ZNF385B: variants seen among roughly 807,000 people sequenced by gnomAD.
ZNF385B encodes zinc finger protein 385B, also known as zinc finger protein 533.
Under a neutral mutation model 39.2 loss-of-function variants are expected in ZNF385B, and 23 were observed. The ratio of observed to expected loss-of-function variants is 0.59; its 90% CI spans 0.42 to 0.83. The LOEUF (loss-of-function observed/expected upper bound fraction) is 0.83, where lower values mean the gene tolerates loss of function less well. Among genes scored for constraint, ZNF385B ranks in the 40% least tolerant of loss-of-function variants. The probability of loss-of-function intolerance (pLI) is 0.00; values close to 1 mark genes in which losing one functional copy is unlikely to be tolerated. For missense variants in ZNF385B, 552 were observed against 598.9 expected, an observed-to-expected ratio of 0.92 and a Z score of 0.82; for synonymous variants, 205 against 222.6, an observed-to-expected ratio of 0.92 and a Z score of 0.70.
At chr2:179,572,696 G>A (rs1386384675) in intron 3 of ZNF385B, among the ~76,000 whole-genome samples, 1 of 152,106 alleles carries the variant, frequency 6.6e-6, no homozygotes, top group East Asian at 1.9e-4. Context: ...TCAGTTTGGA[G>A]GGAAATGTCA....
chr2:179,646,964 C>T (rs915085548), intron 3 of ZNF385B, among the ~76,000 whole-genome samples: 1 of 152,168 alleles, frequency 6.6e-6, no homozygotes. Context: ...ACAAACATTA[C>T]TTTTTGTTAT....
At position 179,728,224 on chromosome 2, in the gene ZNF385B, T is replaced by TA. The variant is rs566802476; in HGVS notation, c.298+41278dup. ...TTAGAACAGCTAATTCTGGAGAAAA[T>TA]AAAAAACATTACCCATTTTCTTCTC... is the stretch of plus-strand genomic sequence containing the variant. On this transcript the variant is annotated intron_variant, in intron 3 of 9. Coordinates refer to ENST00000410066, the MANE Select transcript of ZNF385B (RefSeq NM_152520.6). Among the ~76,000 whole-genome samples the TA allele has an allele frequency of 4.3e-4, 66 of 152,232 alleles. 1 individual carries two copies. In the South Asian group the frequency reaches 0.013, roughly 31 times the overall value.
chr2:179,511,197 C>T (rs570907219), intron 5 of ZNF385B, among the ~76,000 whole-genome samples: 1 of 152,166 alleles, frequency 6.6e-6, no homozygotes, highest in African/African-American at 2.4e-5. Context: ...CAGCCAATAG[C>T]GTGTGGAAAG....
At chr2:179,663,781 G>C (rs898420856) in intron 3 of ZNF385B, among the ~76,000 whole-genome samples, 1 of 145,380 alleles carries the variant, frequency 6.9e-6, no homozygotes, top group Non-Finnish European at 1.5e-5. Context: ...AGCAGGAACA[G>C]AAGAAACTAA....
At chr2:179,558,208 A>C (rs2061083678) in intron 3 of ZNF385B, among the ~76,000 whole-genome samples, 1 of 152,182 alleles carries the variant, frequency 6.6e-6, no homozygotes, top group Non-Finnish European at 1.5e-5. Context: ...TCTCCTCTGC[A>C]GTTCACACTA....
In ZNF385B at chr2:179,544,773, T is replaced by A. The variant is rs568416442; in HGVS notation, c.441+54A>T. 4.2e-5 allele frequency: 68 copies of A among 1,606,242 alleles called. No homozygotes were observed. In the South Asian group the frequency reaches 4.5e-4, roughly 11 times the overall value. ...GCTGTATCTATTGACTATTCACAAA[T>A]GTAATGAAATTGATGGAGGAGGACA... On this transcript the variant is annotated intron_variant, in intron 4 of 9. Coordinates refer to ENST00000410066, the MANE Select transcript of ZNF385B (RefSeq NM_152520.6).
At chr2:179,814,045 C>A (rs1224115566) in intron 1 of ZNF385B, among the ~76,000 whole-genome samples, 1 of 152,196 alleles carries the variant, frequency 6.6e-6, no homozygotes, top group African/African-American at 2.4e-5. Context: ...TAGTTATTTA[C>A]AAACCTGTTT....
chr2:179,498,303 A>T (rs1353168586), intron 5 of ZNF385B, among the ~76,000 whole-genome samples: 1 of 151,718 alleles, frequency 6.6e-6, no homozygotes. Flanking sequence ...GACCACAAAA[A>T]AACTACATAT....
intron 1 of ZNF385B, among the ~76,000 whole-genome samples, chr2:179,846,800 A>C (rs1708823017): frequency 6.6e-6 from 1 of 152,220 alleles, no homozygotes; most frequent in Non-Finnish European, 1.5e-5. Context: ...ACATGCTTCC[A>C]AGTGATCCTG....
At position 179,861,344 on chromosome 2, in the gene ZNF385B, C is replaced by T. The variant is rs1685050513; in HGVS notation, c.-398G>A. 1 of 150,822 alleles carries T rather than the reference C, an allele frequency of 6.6e-6. No individual in the cohort carries two copies. Among genetic ancestry groups the T allele is most frequent in the Non-Finnish European group, 1.5e-5 (1 of 67,540 alleles). 9.3% of individuals were successfully genotyped at this position (150,822 alleles called of 1,614,324 possible). A position where few individuals can be genotyped will look rare whatever the true frequency, so the allele number is the denominator to read the frequency against. On this transcript the variant is annotated 5_prime_UTR_variant, in exon 1 of 10. Coordinates refer to ENST00000410066, the MANE Select transcript of ZNF385B (RefSeq NM_152520.6). ...CTGTCCAACTCTTGCCCGCGCCGGG[C>T]TTAAGCGCCCGGCCGCTGCCCCCGC...
intron 3 of ZNF385B, among the ~76,000 whole-genome samples, chr2:179,740,930 A>C (rs937031746): frequency 1.3e-5 from 2 of 152,192 alleles, no homozygotes; most frequent in African/African-American, 4.8e-5. Flanking sequence ...GACAAGAAAA[A>C]AAGGGAAGAA....
chr2:179,495,986 C>G (rs2105698058), intron 5 of ZNF385B, among the ~76,000 whole-genome samples: 1 of 152,236 alleles, frequency 6.6e-6, no homozygotes, highest in Non-Finnish European at 1.5e-5. Context: ...CATGACTTCA[C>G]CAAATGAACT....
intron 1 of ZNF385B, among the ~76,000 whole-genome samples, chr2:179,783,315 A>G (rs2106526862): frequency 6.6e-6 from 1 of 151,780 alleles, no homozygotes; most frequent in South Asian, 2.1e-4. Context: ...TCCTTATACC[A>G]TCAACAAAAA....
chr2:179,769,903 G>A (rs890170859), intron 2 of ZNF385B, 101 bp from the exon 3 acceptor site: 2 of 1,184,588 alleles, frequency 1.7e-6, no homozygotes, highest in Non-Finnish European at 2.3e-6. Context: ...GCTAAAAGTT[G>A]CCCAGCTACC....
intron 5 of ZNF385B, among the ~76,000 whole-genome samples, chr2:179,488,024 T>C (rs1192230706): frequency 6.6e-6 from 1 of 152,216 alleles, no homozygotes; most frequent in African/African-American, 2.4e-5. Flanking sequence ...TAGAACCCCA[T>C]TGTTGCAAAC....
chr2:179,447,388 A>T (rs957927384), intron 6 of ZNF385B, among the ~76,000 whole-genome samples: 1 of 152,208 alleles, frequency 6.6e-6, no homozygotes, highest in Non-Finnish European at 1.5e-5. Context: ...CTAAATCAAA[A>T]GTTTTAAATA....
At chr2:179,718,008 T>C (rs1700441265) in intron 3 of ZNF385B, among the ~76,000 whole-genome samples, 1 of 152,184 alleles carries the variant, frequency 6.6e-6, no homozygotes, top group Non-Finnish European at 1.5e-5. Flanking sequence ...TGCTACTAAA[T>C]TTCTTGGCAA....
intron 3 of ZNF385B, among the ~76,000 whole-genome samples, chr2:179,766,517 T>C (rs2106497670): frequency 6.6e-6 from 1 of 152,304 alleles, no homozygotes; most frequent in South Asian, 2.1e-4. Flanking sequence ...TTCTGAGGGC[T>C]GTGAGGGAAG....
At chr2:179,739,208 T>A (rs1366113429) in intron 3 of ZNF385B, among the ~76,000 whole-genome samples, 1 of 152,246 alleles carries the variant, frequency 6.6e-6, no homozygotes, top group East Asian at 1.9e-4. Context: ...AAGTCAACTA[T>A]CATTCCTGTT....
Sources: gnomAD v4.1 joint callset for allele counts (sites outside exome capture counted in the v4.1 genomes callset) on GRCh38, gnomAD v4.1.1 for gene constraint, MANE v1.5 for transcripts, NCBI Gene and HGNC (gene_info 2026-07-23, HGNC 2026-07-21) for gene names.